The following CNTNAP2 variants were observed in gnomAD, a reference collection of about 807,000 sequenced individuals.
CNTNAP2 encodes contactin associated protein 2, also known as contactin-associated protein-like 2.
In CNTNAP2, 98 loss-of-function variants were observed where a neutral mutation model predicts 155.2. The ratio of observed to expected loss-of-function variants is 0.63; its 90% CI spans 0.54 to 0.75. The LOEUF is 0.75. CNTNAP2 is among the 30% of genes least tolerant of loss of function. The pLI is 0.00. For missense variants in CNTNAP2, 1,727 were observed against 1,688.1 expected, an observed-to-expected ratio of 1.02 and a Z score of -0.40; for synonymous variants, 651 against 631.2, an observed-to-expected ratio of 1.03 and a Z score of -0.47.
intron 1 of CNTNAP2, among the ~76,000 whole-genome samples, chr7:146,531,209 G>A (rs1797764187): frequency 6.6e-6 from 1 of 152,048 alleles, no homozygotes; most frequent in Admixed American, 6.5e-5. Context: ...ACAGAGACTG[G>A]GGGCTACTTG....
chr7:147,141,736 A>C (rs1372388294), intron 8 of CNTNAP2, among the ~76,000 whole-genome samples: 1 of 152,088 alleles, frequency 6.6e-6, no homozygotes, highest in African/African-American at 2.4e-5. Context: ...GTGGAATATG[A>C]CACATCTGAA....
intron 1 of CNTNAP2, among the ~76,000 whole-genome samples, chr7:146,211,251 GA>G (rs1799030243): frequency 6.6e-6 from 1 of 151,970 alleles, no homozygotes; most frequent in Non-Finnish European, 1.5e-5. Flanking sequence ...TCAGACATCT[GA>G]AAAAAATATA....
intron 13 of CNTNAP2, among the ~76,000 whole-genome samples, chr7:147,717,450 A>T (rs913290424): frequency 6.6e-6 from 1 of 152,124 alleles, no homozygotes; most frequent in Non-Finnish European, 1.5e-5. Context: ...GCAGTATCCC[A>T]TTTCATGGAA....
chr7:147,240,011 T>C (rs1020884195), intron 8 of CNTNAP2, among the ~76,000 whole-genome samples: 11 of 152,196 alleles, frequency 7.2e-5, no homozygotes, highest in African/African-American at 2.7e-4. Context: ...CTGCAAGTAG[T>C]GTACATTATT....
intron 15 of CNTNAP2, among the ~76,000 whole-genome samples, chr7:147,987,070 G>A (rs2116877313): frequency 6.6e-6 from 1 of 152,206 alleles, no homozygotes. Flanking sequence ...AGCAGTAGTG[G>A]GTCTAAGAAC....
At chr7:146,602,506 GA>G (rs1185407304) in intron 1 of CNTNAP2, among the ~76,000 whole-genome samples, 4 of 152,120 alleles carry the variant, frequency 2.6e-5, no homozygotes, top group Non-Finnish European at 4.4e-5. Flanking sequence ...TTTCCACAAA[GA>G]ATGTTTACTT....
At chr7:147,644,768 A>G (rs1366974947) in intron 13 of CNTNAP2, among the ~76,000 whole-genome samples, 1 of 152,204 alleles carries the variant, frequency 6.6e-6, no homozygotes, top group African/African-American at 2.4e-5. Context: ...GACAAGAACT[A>G]TTATGCTGCC....
At chr7:147,532,054 G>A (rs545034880) in intron 11 of CNTNAP2, among the ~76,000 whole-genome samples, 7 of 152,122 alleles carry the variant, frequency 4.6e-5, no homozygotes, top group East Asian at 1.9e-4. Context: ...TGATCTGCCC[G>A]CCTCGGCCTC....
At chr7:147,563,035 G>A (rs1325021719) in intron 12 of CNTNAP2, among the ~76,000 whole-genome samples, 1 of 152,170 alleles carries the variant, frequency 6.6e-6, no homozygotes, top group East Asian at 1.9e-4. Context: ...GTTACTGAGT[G>A]TGACTGTTTA....
intron 13 of CNTNAP2, among the ~76,000 whole-genome samples, chr7:147,645,314 T>G (rs1247307784): frequency 6.6e-6 from 1 of 152,116 alleles, no homozygotes; most frequent in Non-Finnish European, 1.5e-5. Flanking sequence ...CTGTGCATTA[T>G]AAGAAGCTGC....
chr7:147,277,567 AG>A (rs1370830411), intron 8 of CNTNAP2, among the ~76,000 whole-genome samples: 1 of 151,876 alleles, frequency 6.6e-6, no homozygotes, highest in Non-Finnish European at 1.5e-5. Flanking sequence ...GAGATAATTC[AG>A]GTTGCTAAGT....
At chr7:147,502,543 T>C (rs770378589) in intron 11 of CNTNAP2, among the ~76,000 whole-genome samples, 5 of 152,108 alleles carry the variant, frequency 3.3e-5, no homozygotes, top group Non-Finnish European at 7.4e-5. Context: ...AACTTTCAAT[T>C]ACAAGATGAA....
intron 10 of CNTNAP2, among the ~76,000 whole-genome samples, chr7:147,470,024 G>C (rs982809002): frequency 2.0e-5 from 3 of 152,192 alleles, no homozygotes; most frequent in African/African-American, 7.2e-5. Flanking sequence ...GAGTGAGCAG[G>C]AGGAATTCAA....
intron 14 of CNTNAP2, among the ~76,000 whole-genome samples, chr7:147,931,272 A>G (rs1286962419): frequency 6.6e-6 from 1 of 151,728 alleles, no homozygotes; most frequent in Non-Finnish European, 1.5e-5. Context: ...GACAAACTAA[A>G]AAAAAAAGAG....
intron 1 of CNTNAP2, among the ~76,000 whole-genome samples, chr7:146,136,308 G>A (rs1245433260): frequency 5.9e-5 from 9 of 152,102 alleles, no homozygotes; most frequent in Admixed American, 3.9e-4. Context: ...AAATTATGTG[G>A]CATTTATGCC....
At chr7:147,245,257 AAAAAATAAAAAATT>A (rs955261275) in intron 8 of CNTNAP2, among the ~76,000 whole-genome samples, 4 of 152,150 alleles carry the variant, frequency 2.6e-5, no homozygotes, top group Non-Finnish European at 4.4e-5. Context: ...CCCTTTTCTA[AAAAAATAAAAAATT>A]AAAAATAAAA....
At chr7:146,890,401 T>C (rs1301719257) in intron 3 of CNTNAP2, among the ~76,000 whole-genome samples, 1 of 152,188 alleles carries the variant, frequency 6.6e-6, no homozygotes, top group African/African-American at 2.4e-5. Context: ...AGAATCCAGA[T>C]CAGGTTTCAG....
chr7:146,392,826 T>C (rs1232158858), intron 1 of CNTNAP2, among the ~76,000 whole-genome samples: 1 of 61,624 alleles, frequency 1.6e-5, no homozygotes, highest in Non-Finnish European at 3.0e-5. Context: ...ATATAAAGAC[T>C]CTTAGAAAAT....
At chr7:147,146,682 T>G (rs1051397297) in intron 8 of CNTNAP2, 1 of 152,286 alleles carries the variant, frequency 6.6e-6, no homozygotes, top group Non-Finnish European at 1.5e-5. Flanking sequence ...AACAGATTTT[T>G]TATCTAAATA....
Sources: allele counts gnomAD v4.1 joint callset (sites outside exome capture counted in the v4.1 genomes callset), GRCh38; gene constraint gnomAD v4.1.1; transcripts MANE v1.5; gene names NCBI Gene and HGNC (gene_info 2026-07-23, HGNC 2026-07-21).